Variants in RCAN2 observed in about 807,000 individuals in gnomAD.
RCAN2 encodes the protein calcipressin-2.
Under a neutral mutation model 23.6 loss-of-function variants are expected in RCAN2, and 9 were observed. That is an observed-to-expected ratio of 0.38 (90% confidence interval 0.23 to 0.67). The LOEUF (loss-of-function observed/expected upper bound fraction) is 0.67. Ranked by LOEUF, RCAN2 falls within the 30% of genes least tolerant of loss-of-function variation. RCAN2 has a pLI of 0.51. For missense variants in RCAN2, 273 were observed against 302.3 expected (o/e 0.90, Z 0.72); for synonymous variants, 109 against 115.7 (o/e 0.94, Z 0.37).
intron 2 of RCAN2, among the ~76,000 whole-genome samples, chr6:46,431,255 G>C (rs1243875165): frequency 6.6e-6 from 1 of 151,770 alleles, no homozygotes; most frequent in Non-Finnish European, 1.5e-5. Context: ...GCTGAGGCTG[G>C]AGTGCAGTGG....
intron 1 of RCAN2, among the ~76,000 whole-genome samples, chr6:46,484,842 C>A (rs1327339586): frequency 2.0e-5 from 3 of 152,152 alleles, no homozygotes; most frequent in Non-Finnish European, 4.4e-5. Flanking sequence ...TTCCTTGAAC[C>A]AATTGTTAGG....
At chr6:46,288,297 C>A (rs1035433944) in intron 2 of RCAN2, among the ~76,000 whole-genome samples, 2 of 152,156 alleles carry the variant, frequency 1.3e-5, no homozygotes, top group African/African-American at 2.4e-5. Flanking sequence ...GAGAGTAGAC[C>A]AGCTTTCTTG....
At chr6:46,339,218 G>A (rs779255266) in intron 2 of RCAN2, among the ~76,000 whole-genome samples, 58 of 151,636 alleles carry the variant, frequency 3.8e-4, no homozygotes, top group Non-Finnish European at 7.2e-4. Flanking sequence ...AGAAAGAAAT[G>A]AAAAATTATA....
chr6:46,394,232 T>C (rs1407952433), intron 2 of RCAN2, among the ~76,000 whole-genome samples: 1 of 152,232 alleles, frequency 6.6e-6, no homozygotes, highest in Non-Finnish European at 1.5e-5. Context: ...GGTGGCAGAA[T>C]TCAAGAACTC....
chr6:46,340,503 A>G (rs1582121880), intron 2 of RCAN2, among the ~76,000 whole-genome samples: 1 of 152,100 alleles, frequency 6.6e-6, no homozygotes, highest in East Asian at 1.9e-4. Context: ...AGCCATAAGA[A>G]CTTCCTTTAG....
intron 2 of RCAN2, among the ~76,000 whole-genome samples, chr6:46,253,049 G>A (rs1231039949): frequency 6.6e-6 from 1 of 152,068 alleles, no homozygotes; most frequent in Non-Finnish European, 1.5e-5. Flanking sequence ...TCATAATAGT[G>A]TACATTAATC....
chr6:46,450,393 C>T (rs1168165103), intron 2 of RCAN2, among the ~76,000 whole-genome samples: 1 of 151,956 alleles, frequency 6.6e-6, no homozygotes, highest in Non-Finnish European at 1.5e-5. Flanking sequence ...GGAGTTTCCT[C>T]CAAAAACTAA....
intron 2 of RCAN2, among the ~76,000 whole-genome samples, chr6:46,330,668 T>G (rs912425877): frequency 4.6e-5 from 7 of 152,308 alleles, no homozygotes; most frequent in Non-Finnish European, 8.8e-5. Flanking sequence ...TTCTTTCCTC[T>G]TTAATAGTTT....
intron 2 of RCAN2, among the ~76,000 whole-genome samples, chr6:46,429,728 A>T (rs1231620255): frequency 6.6e-6 from 1 of 152,160 alleles, no homozygotes; most frequent in South Asian, 2.1e-4. Context: ...TAATGTGAAG[A>T]TGTTAGTTAA....
intron 2 of RCAN2, among the ~76,000 whole-genome samples, chr6:46,407,487 A>C (rs1196712878): frequency 6.6e-6 from 1 of 152,226 alleles, no homozygotes; most frequent in African/African-American, 2.4e-5. Context: ...CAAAGATCCC[A>C]TCTTTAAAAG....
chr6:46,391,525 G>A (rs1765939226), intron 2 of RCAN2, among the ~76,000 whole-genome samples: 1 of 152,136 alleles, frequency 6.6e-6, no homozygotes, highest in South Asian at 2.1e-4. Flanking sequence ...GACATGGGGA[G>A]CAAAGTACAC....
intron 4 of RCAN2, among the ~76,000 whole-genome samples, chr6:46,244,015 A>T (rs891376853): frequency 3.4e-4 from 51 of 152,146 alleles, no homozygotes; most frequent in African/African-American, 1.0e-3. Context: ...GTCACCAACC[A>T]GCTGTGTCAC....
At position 46,403,572 on chromosome 6, in the gene RCAN2, CA is replaced by C. The variant is rs35037427; in HGVS notation, c.225+53179del. On this transcript the variant is annotated intron_variant, in intron 2 of 4. Transcript: ENST00000371374. ...GGGCAACAAGAGCGAAACTCCGTAT[CA>C]AAAAAAAAAAAAAAAAATTCTGCAA... 4.9e-3 allele frequency among the ~76,000 whole-genome samples: 600 copies of C among 122,572 alleles called. 3 individuals carry two copies. Among genetic ancestry groups the C allele is most frequent in the Middle Eastern group, 0.019 (4 of 214 alleles). The allele number at this position is 122,572 out of a possible 152,430, so 80.4% of individuals were successfully genotyped here.
chr6:46,446,485 A>T (rs1195268895), intron 2 of RCAN2, among the ~76,000 whole-genome samples: 1 of 152,222 alleles, frequency 6.6e-6, no homozygotes, highest in African/African-American at 2.4e-5. Flanking sequence ...GAGGATGCTA[A>T]TTAGTAATAC....
chr6:46,312,785 G>A (rs1172268208), intron 2 of RCAN2, among the ~76,000 whole-genome samples: 1 of 152,238 alleles, frequency 6.6e-6, no homozygotes, highest in South Asian at 2.1e-4. Flanking sequence ...AGCCCTCATC[G>A]GGTCTGGCTG....
chr6:46,279,854 C>A (rs917091307), intron 2 of RCAN2, among the ~76,000 whole-genome samples: 1 of 152,130 alleles, frequency 6.6e-6, no homozygotes, highest in Admixed American at 6.6e-5. Context: ...TGAGATAATG[C>A]ACAAGATGTG....
chr6:46,356,609 G>C (rs530773007), intron 2 of RCAN2, among the ~76,000 whole-genome samples: 31 of 152,202 alleles, frequency 2.0e-4, no homozygotes, highest in Non-Finnish European at 1.6e-4. Context: ...GGATGTGAAC[G>C]TGCACAGGTT....
intron 1 of RCAN2, among the ~76,000 whole-genome samples, chr6:46,462,799 TCA>T (rs1285577615): frequency 6.6e-6 from 1 of 152,226 alleles, no homozygotes; most frequent in East Asian, 1.9e-4. Context: ...ATCATTATTG[TCA>T]CAGAGTTATC....
At chr6:46,405,756 C>T (rs1009130051) in intron 2 of RCAN2, among the ~76,000 whole-genome samples, 1 of 152,222 alleles carries the variant, frequency 6.6e-6, no homozygotes, top group Non-Finnish European at 1.5e-5. Flanking sequence ...AGTCCCGCAC[C>T]GTGCGCTCGC....
Sources: gnomAD v4.1 joint callset for allele counts (sites outside exome capture counted in the v4.1 genomes callset) on GRCh38, gnomAD v4.1.1 for gene constraint, MANE v1.5 for transcripts, NCBI Gene and HGNC (gene_info 2026-07-23, HGNC 2026-07-21) for gene names.